CNOT1: variants seen among roughly 807,000 people sequenced by gnomAD.
CNOT1 encodes CCR4-NOT transcription complex subunit 1, also known as CCR4-associated factor 1.
Under a neutral mutation model 273.8 loss-of-function variants are expected in CNOT1, and 15 were observed. That is an observed-to-expected ratio of 0.05 (90% CI 0.04 to 0.08). The LOEUF (loss-of-function observed/expected upper bound fraction) is 0.08, where lower values mean the gene tolerates loss of function less well. CNOT1 is among the 10% of genes least tolerant of loss of function. The pLI is 1.00. For missense variants in CNOT1, 1,644 were observed against 2,912.2 expected (o/e 0.56, Z 10.02); for synonymous variants, 1,022 against 1,005.5 (o/e 1.02, Z -0.31).
At chr16:58,594,158 C>G (rs1018265720) in intron 2 of CNOT1, among the ~76,000 whole-genome samples, 5 of 152,108 alleles carry the variant, frequency 3.3e-5, no homozygotes, top group African/African-American at 1.2e-4. Context: ...GCAAGAGAAT[C>G]GCTTGAACCC....
chr16:58,531,834 TC>T, intron 42 of CNOT1, 123 bp downstream of exon 42: 1 of 1,193,390 alleles, frequency 8.4e-7, no homozygotes, highest in East Asian at 2.4e-5. Context: ...TAAATAGCAT[TC>T]CCAACTAAGT....
At chr16:58,563,737 T>G (rs942612222) in intron 16 of CNOT1, among the ~76,000 whole-genome samples, 20 of 152,228 alleles carry the variant, frequency 1.3e-4, no homozygotes, top group Non-Finnish European at 2.8e-4. Flanking sequence ...CATACTATAT[T>G]AGCAAGGCTG....
intron 1 of CNOT1, among the ~76,000 whole-genome samples, chr16:58,616,351 C>A (rs2043081844): frequency 7.1e-6 from 1 of 140,304 alleles, no homozygotes; most frequent in Non-Finnish European, 1.6e-5. Flanking sequence ...GGTGATCCAC[C>A]TGCCTCGGCC....
chr16:58,549,338 T>C (rs1428788790), intron 25 of CNOT1, among the ~76,000 whole-genome samples: 1 of 145,178 alleles, frequency 6.9e-6, no homozygotes, highest in Non-Finnish European at 1.5e-5. Context: ...AGCATTATCA[T>C]TATCATGAAT....
intron 4 of CNOT1, 39 bp from the exon 5 acceptor site, chr16:58,587,452 C>CTT: frequency 6.2e-7 from 1 of 1,609,246 alleles, no homozygotes; most frequent in East Asian, 2.2e-5. Context: ...TAAGAACTTA[C>CTT]TTTTTCAAGA....
chr16:58,607,704 G>A (rs141432428), intron 1 of CNOT1, among the ~76,000 whole-genome samples: 1 of 76,328 alleles, frequency 1.3e-5, no homozygotes, highest in African/African-American at 5.3e-5. Context: ...TCCAGCCTGG[G>A]CAACAACAGC....
At chr16:58,613,739 T>C (rs2042978003) in intron 1 of CNOT1, among the ~76,000 whole-genome samples, 1 of 125,052 alleles carries the variant, frequency 8.0e-6, no homozygotes, top group Admixed American at 7.9e-5. Flanking sequence ...CTAATAAGAA[T>C]AACTCTTTTG....
At chr16:58,534,063 A>G (rs1429301054) in intron 40 of CNOT1, 84 bp downstream of exon 40, 4 of 1,227,918 alleles carry the variant, frequency 3.3e-6, no homozygotes, top group Admixed American at 4.2e-5. Flanking sequence ...TCAAAGAAAC[A>G]ATATAAAAAA....
At chr16:58,582,952 C>T (rs751888222) in intron 9 of CNOT1, 49 bp from the exon 10 acceptor site, 2 of 1,612,100 alleles carry the variant, frequency 1.2e-6, no homozygotes, top group African/African-American at 2.7e-5. Flanking sequence ...TCCATGTGTT[C>T]ACTTCTGGTC....
At chr16:58,526,561 C>T (rs528166366) in intron 44 of CNOT1, among the ~76,000 whole-genome samples, 2 of 148,456 alleles carry the variant, frequency 1.3e-5, no homozygotes, top group African/African-American at 2.5e-5. Context: ...CAGTGGCTCA[C>T]GCCTGTAAAC....
chr16:58,605,496 ACT>A (rs1305336631), intron 1 of CNOT1, among the ~76,000 whole-genome samples: 1 of 152,108 alleles, frequency 6.6e-6, no homozygotes, highest in Non-Finnish European at 1.5e-5. Flanking sequence ...ACAGAGCAAG[ACT>A]CTGTCTCAAA....
intron 22 of CNOT1, among the ~76,000 whole-genome samples, chr16:58,552,149 T>C (rs1310917498): frequency 6.6e-6 from 1 of 151,788 alleles, no homozygotes; most frequent in African/African-American, 2.4e-5. Context: ...GTTTTCTAAT[T>C]AGGCAGCAAT....
intron 11 of CNOT1, 123 bp from the exon 12 acceptor site, chr16:58,580,883 T>C: frequency 1.0e-6 from 1 of 989,476 alleles, no homozygotes; most frequent in Non-Finnish European, 1.4e-6. Flanking sequence ...GTTTAAAATC[T>C]TAATTATTTG....
intron 1 of CNOT1, among the ~76,000 whole-genome samples, chr16:58,621,253 G>A (rs1157641709): frequency 6.6e-6 from 1 of 151,904 alleles, no homozygotes; most frequent in Admixed American, 6.6e-5. Context: ...GTGAGCCACT[G>A]CGCTGGCCCA....
intron 14 of CNOT1, 78 bp from the exon 15 acceptor site, chr16:58,575,207 T>C: frequency 6.4e-7 from 1 of 1,552,248 alleles, no homozygotes; most frequent in African/African-American, 1.4e-5. Context: ...GTTTTTCGCT[T>C]TCCACAAACA....
chr16:58,563,492 G>A (rs528841595), intron 16 of CNOT1, among the ~76,000 whole-genome samples: 1 of 152,168 alleles, frequency 6.6e-6, no homozygotes, highest in Admixed American at 6.5e-5. Flanking sequence ...AAAAGAAAAG[G>A]GAGCCTTATA....
chr16:58,533,461 CCT>C (rs2039831872), intron 40 of CNOT1, among the ~76,000 whole-genome samples: 1 of 151,930 alleles, frequency 6.6e-6, no homozygotes, highest in Non-Finnish European at 1.5e-5. Flanking sequence ...ATGGTGAAAC[CCT>C]GTCTCTACTA....
At chr16:58,527,840 G>A (rs2039647778) in intron 44 of CNOT1, 2 of 208,466 alleles carry the variant, frequency 9.6e-6, no homozygotes, top group Non-Finnish European at 2.0e-5. Flanking sequence ...CTATGGCAGG[G>A]CGTGGTGGCT....
chr16:58,626,790 T>C (rs2043604186), intron 1 of CNOT1, among the ~76,000 whole-genome samples: 2 of 152,172 alleles, frequency 1.3e-5, no homozygotes, highest in South Asian at 2.1e-4. Context: ...CTATTTTTGT[T>C]AATGTGGGAC....
Sources: gnomAD v4.1 joint callset for allele counts (sites outside exome capture counted in the v4.1 genomes callset) on GRCh38, gnomAD v4.1.1 for gene constraint, MANE v1.5 for transcripts, NCBI Gene and HGNC (gene_info 2026-07-23, HGNC 2026-07-21) for gene names.